CHN1: variants seen among roughly 807,000 people sequenced by gnomAD.
The protein encoded by CHN1 is N-chimaerin.
In CHN1, 37 loss-of-function variants were observed where a neutral mutation model predicts 59.5. The ratio of observed to expected loss-of-function variants is 0.62; its 90% confidence interval spans 0.48 to 0.82. The LOEUF (loss-of-function observed/expected upper bound fraction) is 0.82. CHN1 is among the 40% of genes least tolerant of loss of function. CHN1 has a pLI of 0.00. For missense variants in CHN1, 469 were observed against 571.0 expected (o/e 0.82, Z 1.82); for synonymous variants, 206 against 200.4 (o/e 1.03, Z -0.24).
At chr2:174,855,553 G>C (rs922967667) in intron 6 of CHN1, among the ~76,000 whole-genome samples, 9 of 152,090 alleles carry the variant, frequency 5.9e-5, no homozygotes, top group Admixed American at 1.3e-4. Flanking sequence ...TGCATACCCT[G>C]AATTATAATA....
chr2:174,840,261 T>C (rs1241050907), intron 7 of CHN1, among the ~76,000 whole-genome samples: 2 of 142,794 alleles, frequency 1.4e-5, no homozygotes, highest in Non-Finnish European at 3.0e-5. Flanking sequence ...CTCTATCTCC[T>C]GGCTCAAGTG....
intron 3 of CHN1, among the ~76,000 whole-genome samples, chr2:174,926,327 G>C (rs1252664096): frequency 2.0e-5 from 3 of 151,600 alleles, no homozygotes; most frequent in Non-Finnish European, 4.4e-5. Context: ...TCAGGCCCCT[G>C]AGTAGCTGGG....
intron 6 of CHN1, among the ~76,000 whole-genome samples, chr2:174,871,083 A>G (rs1296064653): frequency 1.3e-5 from 2 of 151,796 alleles, no homozygotes; most frequent in Non-Finnish European, 2.9e-5. Flanking sequence ...CCTGGGCCCC[A>G]TTTGAGTTTT....
In CHN1 at chr2:174,846,934, T is replaced by C. The variant is rs1403971749; in HGVS notation, c.573A>G (p.Ala191=). 1.3e-6 allele frequency: 2 copies of C among 1,553,992 alleles called. No individual in the cohort carries two copies. Among genetic ancestry groups the C allele is most frequent in the Admixed American group, 3.9e-5 (2 of 51,204 alleles). The change falls in exon 7 of 13, where the codon GCA becomes GCG. Residue 191 remains alanine (A), a synonymous_variant. Transcript: ENST00000409900. The stretch of plus-strand genomic sequence containing the variant: ...GAATTTGCTCGTTTTCTTTCAGAGT[T>C]GCTCTTCTAACAAGTGATGTCAACT... ...EKRLTSLVRR[A]TLKENEQIPK...
intron 1 of CHN1, among the ~76,000 whole-genome samples, chr2:174,983,581 G>A (rs1285184501): frequency 6.6e-6 from 1 of 152,032 alleles, no homozygotes; most frequent in East Asian, 1.9e-4. Flanking sequence ...TGTAATCCCA[G>A]CACTTTGGGA....
chr2:174,861,372 T>C (rs1687063139), intron 6 of CHN1, among the ~76,000 whole-genome samples: 1 of 152,214 alleles, frequency 6.6e-6, no homozygotes, highest in South Asian at 2.1e-4. Context: ...ATCAGTCTTA[T>C]AGCTTAACAC....
chr2:174,907,506 C>G (rs751082936), intron 5 of CHN1, among the ~76,000 whole-genome samples: 4 of 151,904 alleles, frequency 2.6e-5, no homozygotes, highest in Non-Finnish European at 5.9e-5. Flanking sequence ...TTGTTACATT[C>G]TGTTTAGTGT....
chr2:174,889,726 T>C (rs139079257), intron 5 of CHN1, among the ~76,000 whole-genome samples: 36 of 152,276 alleles, frequency 2.4e-4, no homozygotes, highest in Admixed American at 7.2e-4. Context: ...AAGGGACTTA[T>C]GGGATACTAC....
chr2:174,883,256 C>T (rs1687789015), intron 5 of CHN1, among the ~76,000 whole-genome samples: 1 of 152,102 alleles, frequency 6.6e-6, no homozygotes, highest in Admixed American at 6.5e-5. Context: ...ACCACCATGG[C>T]AGAAGACTTA....
At chr2:174,923,519 T>C (rs1444154136) in intron 3 of CHN1, among the ~76,000 whole-genome samples, 1 of 152,158 alleles carries the variant, frequency 6.6e-6, no homozygotes. Context: ...CCCCAACATT[T>C]TGAGAAGAGA....
intron 4 of CHN1, among the ~76,000 whole-genome samples, chr2:174,917,570 C>T (rs1464880193): frequency 1.3e-5 from 2 of 151,710 alleles, no homozygotes; most frequent in African/African-American, 2.4e-5. Context: ...CCCCCAAGAC[C>T]GCACGTACTG....
chr2:174,983,516 T>A (rs1691231600), intron 1 of CHN1, among the ~76,000 whole-genome samples: 1 of 151,806 alleles, frequency 6.6e-6, no homozygotes, highest in African/African-American at 2.4e-5. Flanking sequence ...ACTTCAGAAC[T>A]CATACATTCA....
intron 2 of CHN1, chr2:174,945,242 G>C (rs906370850): frequency 2.2e-6 from 1 of 455,720 alleles, no homozygotes; most frequent in Non-Finnish European, 4.4e-6. Flanking sequence ...CCAGTTCTTT[G>C]TGGGGATATT....
chr2:174,854,196 T>C (rs890443809), intron 6 of CHN1, among the ~76,000 whole-genome samples: 13 of 152,156 alleles, frequency 8.5e-5, no homozygotes, highest in Non-Finnish European at 1.5e-4. Flanking sequence ...TTTAATACTG[T>C]TTTGTTATTA....
intron 7 of CHN1, 94 bp from the exon 8 acceptor site, chr2:174,824,612 T>TTATATATATATA (rs1325143919): frequency 1.7e-6 from 1 of 571,560 alleles, no homozygotes; most frequent in African/African-American, 2.1e-5. Flanking sequence ...AAGCCACATA[T>TTATATATATATA]TCTATATATA....
chr2:174,903,195 C>G (rs755564631), intron 5 of CHN1, among the ~76,000 whole-genome samples: 8 of 152,206 alleles, frequency 5.3e-5, no homozygotes, highest in Non-Finnish European at 1.0e-4. Context: ...TGATCATCAA[C>G]CTCCTCATAG....
intron 1 of CHN1, among the ~76,000 whole-genome samples, chr2:174,957,451 G>GGC (rs916092864): frequency 7.0e-6 from 1 of 141,912 alleles, no homozygotes; most frequent in Non-Finnish European, 1.5e-5. Flanking sequence ...TGTGTTGGGG[G>GGC]GGGGGGCAGT....
At chr2:174,947,970 C>T (rs1414081095) in intron 2 of CHN1, among the ~76,000 whole-genome samples, 1 of 152,034 alleles carries the variant, frequency 6.6e-6, no homozygotes, top group African/African-American at 2.4e-5. Flanking sequence ...AAATGATTCA[C>T]CAAAAATTAA....
intron 5 of CHN1, among the ~76,000 whole-genome samples, chr2:174,892,044 T>C (rs1461128710): frequency 1.3e-5 from 2 of 151,940 alleles, no homozygotes; most frequent in East Asian, 1.9e-4. Context: ...CAAGACTGAA[T>C]TATAAAGAAA....
Sources: gnomAD v4.1 joint callset for allele counts (sites outside exome capture counted in the v4.1 genomes callset) on GRCh38, gnomAD v4.1.1 for gene constraint, MANE v1.5 for transcripts, NCBI Gene and HGNC (gene_info 2026-07-23, HGNC 2026-07-21) for gene names.